Variants in POU2F3 observed in about 807,000 individuals in gnomAD.
The protein encoded by POU2F3 is POU domain, class 2, transcription factor 3.
Under a neutral mutation model 59.2 loss-of-function variants are expected in POU2F3, and 23 were observed. That is an observed-to-expected ratio of 0.39 (90% CI 0.28 to 0.55). POU2F3 has a LOEUF of 0.55. Among genes scored for constraint, POU2F3 ranks in the 20% least tolerant of loss-of-function variants. POU2F3 has a pLI of 0.66. For synonymous variants in POU2F3, 190 were observed against 214.6 expected (o/e 0.89, Z 1.00); for missense variants, 473 against 544.5 (o/e 0.87, Z 1.31).
At chr11:120,301,203 C>T (rs1227183315) in intron 5 of POU2F3, 4 of 403,382 alleles carry the variant, frequency 9.9e-6, no homozygotes, top group Non-Finnish European at 1.5e-5. Flanking sequence ...AGTTACCTAA[C>T]CTCTCTGAGC....
intron 2 of POU2F3, among the ~76,000 whole-genome samples, chr11:120,265,010 T>C (rs190086446): frequency 5.9e-4 from 90 of 152,302 alleles, no homozygotes; most frequent in East Asian, 2.3e-3. Context: ...ATCTGGAGCA[T>C]TGGGGCCACA....
chr11:120,291,737 C>T (rs143520019), intron 3 of POU2F3, among the ~76,000 whole-genome samples: 2,740 of 152,254 alleles, frequency 0.018, 49 homozygotes, highest in Non-Finnish European at 0.027. Context: ...GGTCTTGTAA[C>T]ATAGCAAGCA....
intron 3 of POU2F3, among the ~76,000 whole-genome samples, chr11:120,274,108 A>AAGGAAGG (rs1940212417): frequency 1.0e-4 from 12 of 116,156 alleles, no homozygotes; most frequent in African/African-American, 1.4e-4. Flanking sequence ...AGGAAGGAAG[A>AAGGAAGG]AAGGAAGGAA....
intron 10 of POU2F3, among the ~76,000 whole-genome samples, chr11:120,311,029 G>A (rs191926459): frequency 4.0e-4 from 61 of 152,284 alleles, no homozygotes; most frequent in South Asian, 3.7e-3. Flanking sequence ...GGAATGAGAG[G>A]CAAATAAATG....
At chr11:120,248,966 A>G (rs1938986474) in intron 2 of POU2F3, among the ~76,000 whole-genome samples, 1 of 152,200 alleles carries the variant, frequency 6.6e-6, no homozygotes, top group Non-Finnish European at 1.5e-5. Context: ...GTGACTTAGA[A>G]AGCCCCAGCT....
chr11:120,237,576 T>C (rs1413784377), upstream of POU2F3, among the ~76,000 whole-genome samples: 3 of 151,928 alleles, frequency 2.0e-5, no homozygotes, highest in South Asian at 2.1e-4. Context: ...AGAGAAGAAA[T>C]GTGACTTTGC....
intron 12 of POU2F3, 21 bp downstream of exon 12, chr11:120,317,385 C>A (rs758195196): frequency 6.2e-7 from 1 of 1,613,790 alleles, no homozygotes; most frequent in Admixed American, 1.7e-5. Context: ...GGGGACGGTG[C>A]AGAGACATCC....
At chr11:120,264,190 TACACACACAC>T (rs35186745) in intron 2 of POU2F3, among the ~76,000 whole-genome samples, 84 of 133,120 alleles carry the variant, frequency 6.3e-4, no homozygotes, top group Middle Eastern at 3.9e-3. Flanking sequence ...TAAGACCTCA[TACACACACAC>T]ACACACACAC....
In POU2F3 at chr11:120,307,529, C is replaced by T; in HGVS notation, c.820C>T (p.Leu274Phe). 1 of 1,614,204 alleles carries T rather than the reference C, an allele frequency of 6.2e-7. No homozygotes were observed. The highest frequency in any genetic ancestry group is 8.5e-7 in the Non-Finnish European group (1 of 1,180,038). The change falls in exon 9 of 13, where the codon CTC becomes TTC. Residue 274 changes from leucine to phenylalanine, a missense_variant. Transcript: ENST00000543440. ...SVSTPSSYPS[L>F]SEVFGRKRKK... is the part of the protein sequence containing the mutation. ...GAGCACGCCCAGCTCCTACCCCAGC[C>T]TCAGTGAAGTATTTGGTAGGAAGAG...
chr11:120,282,441 A>G (rs917683342), intron 3 of POU2F3, among the ~76,000 whole-genome samples: 1 of 152,212 alleles, frequency 6.6e-6, no homozygotes, highest in African/African-American at 2.4e-5. Flanking sequence ...GGATCACTTG[A>G]GGCTAGGAGT....
intron 1 of POU2F3, among the ~76,000 whole-genome samples, chr11:120,242,481 C>G (rs981892593): frequency 6.6e-6 from 1 of 152,164 alleles, no homozygotes. Context: ...CATTTTCCCC[C>G]GCCAAGGTAA....
chr11:120,302,186 G>A, intron 5 of POU2F3, 100 bp from the exon 6 acceptor site: 3 of 988,190 alleles, frequency 3.0e-6, no homozygotes, highest in Non-Finnish European at 4.6e-6. Flanking sequence ...CAGGTGGCAG[G>A]GGGTGGGGAC....
intron 2 of POU2F3, among the ~76,000 whole-genome samples, chr11:120,267,087 A>G (rs1477151084): frequency 2.0e-5 from 3 of 151,632 alleles, no homozygotes; most frequent in African/African-American, 7.3e-5. Flanking sequence ...CAACACAGCT[A>G]TTGCGGCTGT....
upstream of POU2F3, among the ~76,000 whole-genome samples, chr11:120,236,909 A>G (rs550887744): frequency 2.0e-5 from 3 of 152,186 alleles, no homozygotes; most frequent in African/African-American, 7.2e-5. Flanking sequence ...CTGCTGAGCC[A>G]TATGTTTGTT....
At chr11:120,286,969 C>T (rs980263011) in intron 3 of POU2F3, among the ~76,000 whole-genome samples, 1 of 152,140 alleles carries the variant, frequency 6.6e-6, no homozygotes, top group Non-Finnish European at 1.5e-5. Context: ...GGTCCTGTGG[C>T]ATACCATTGG....
intron 3 of POU2F3, among the ~76,000 whole-genome samples, chr11:120,294,691 T>C (rs561871811): frequency 2.0e-5 from 3 of 152,232 alleles, no homozygotes; most frequent in African/African-American, 7.2e-5. Context: ...CCCCTGAGAG[T>C]GTCAAAGATG....
At chr11:120,278,821 G>A (rs1005679450) in intron 3 of POU2F3, among the ~76,000 whole-genome samples, 4 of 152,168 alleles carry the variant, frequency 2.6e-5, no homozygotes, top group Admixed American at 2.6e-4. Context: ...AAAATGACGG[G>A]TTGATGGGTG....
chr11:120,281,022 G>A (rs922128841), intron 3 of POU2F3, among the ~76,000 whole-genome samples: 33 of 152,180 alleles, frequency 2.2e-4, no homozygotes, highest in African/African-American at 7.5e-4. Context: ...GTCAAAGAGG[G>A]CTCTGCCTGC....
At chr11:120,249,521 C>A (rs1441776417) in intron 2 of POU2F3, among the ~76,000 whole-genome samples, 1 of 152,148 alleles carries the variant, frequency 6.6e-6, no homozygotes, top group Admixed American at 6.5e-5. Context: ...TTTCTCCACT[C>A]TTGAGGCTGA....
Sources: allele counts gnomAD v4.1 joint callset (sites outside exome capture counted in the v4.1 genomes callset), GRCh38; gene constraint gnomAD v4.1.1; transcripts MANE v1.5; gene names NCBI Gene and HGNC (gene_info 2026-07-23, HGNC 2026-07-21).